Variants in LPCAT3 observed in about 807,000 individuals in gnomAD.
LPCAT3 encodes lysophosphatidylcholine acyltransferase 3.
A neutral mutation model predicts 63.4 loss-of-function variants in LPCAT3; 21 were observed. That is an observed-to-expected ratio of 0.33 (90% confidence interval 0.23 to 0.48). The LOEUF (loss-of-function observed/expected upper bound fraction) is 0.48, where lower values mean the gene tolerates loss of function less well. Among genes scored for constraint, LPCAT3 ranks in the 20% least tolerant of loss-of-function variants. LPCAT3 has a pLI of 0.99. For missense variants in LPCAT3, 451 were observed against 590.6 expected (o/e 0.76, Z 2.45); for synonymous variants, 242 against 227.5 (o/e 1.06, Z -0.58).
Position 6,977,791 on chromosome 12 carries a change from T to G in LPCAT3, c.1041-46A>C. On this transcript the variant is annotated intron_variant, in intron 9 of 12. Coordinates refer to ENST00000261407, the MANE Select transcript of LPCAT3 (RefSeq NM_005768.6). The surrounding 1 kb of genome is among the most constrained non-coding windows in gnomAD (Gnocchi z 4.5). ...GGCGACCCTCAAACTGACTGGTCCT[T>G]GCATCCCGCCACCTGCCTCTGGGTC... The G allele has an allele frequency of 6.2e-7, 1 of 1,610,046 alleles. No individual in the cohort carries two copies. The highest frequency in any genetic ancestry group is 1.7e-5 in the Admixed American group (1 of 59,888).
At chr12:7,010,755 G>A (rs945304161) in intron 1 of LPCAT3, among the ~76,000 whole-genome samples, 17 of 152,092 alleles carry the variant, frequency 1.1e-4, no homozygotes, top group Admixed American at 2.0e-4. Context: ...CATGTTTAAC[G>A]ATAAAGTTAT....
chr12:6,997,377 TTATGTGTGTGTG>T (rs1413388090), intron 1 of LPCAT3: 6 of 91,666 alleles, frequency 6.5e-5, no homozygotes, highest in African/African-American at 2.9e-4. Context: ...CAACAGCAAA[TTATGTGTGTGTG>T]TGTGTGTGTG....
At chr12:7,000,909 G>T (rs111490114) in intron 1 of LPCAT3, among the ~76,000 whole-genome samples, 2 of 151,820 alleles carry the variant, frequency 1.3e-5, no homozygotes, top group Non-Finnish European at 2.9e-5. Flanking sequence ...GGGTTTCACC[G>T]TGTTAGCCAG....
rs1946797038 is a variant in LPCAT3 at position 7,016,272 on chromosome 12, TATTA to T, written c.151+1998_151+2001del. Among the ~76,000 whole-genome samples, 3 of 151,150 alleles carry T rather than the reference TATTA, an allele frequency of 2.0e-5. No homozygotes were observed. In the South Asian group the frequency reaches 6.3e-4, roughly 32 times the overall value. On this transcript the variant is annotated intron_variant, in intron 1 of 12. Coordinates refer to ENST00000261407, the MANE Select transcript of LPCAT3 (RefSeq NM_005768.6). ...AGCCACCACGCCCAGCTCATTTTTTTATTAATTTTTTTTTTTTTTTTGGAGACAG... is the reference window on the plus strand; with the variant it reads ...AGCCACCACGCCCAGCTCATTTTTTTATTTTTTTTTTTTTTTTGGAGACAG...
intron 1 of LPCAT3, among the ~76,000 whole-genome samples, chr12:6,991,307 AAGT>A: frequency 6.6e-6 from 1 of 152,374 alleles, no homozygotes; most frequent in East Asian, 1.9e-4. Flanking sequence ...AAAACTTGAC[AAGT>A]AGTAGTTTCT....
At chr12:7,006,720 A>C (rs1946727344) in intron 1 of LPCAT3, among the ~76,000 whole-genome samples, 1 of 152,174 alleles carries the variant, frequency 6.6e-6, no homozygotes, top group African/African-American at 2.4e-5. Flanking sequence ...TCCAACTTTA[A>C]TCAATCTTTT....
At chr12:6,980,026 T>A (rs1304571110) in intron 6 of LPCAT3, 1 of 154,094 alleles carries the variant, frequency 6.5e-6, no homozygotes, top group Non-Finnish European at 1.4e-5. Context: ...TTAAACTTTT[T>A]TTTTTTTTTT....
intron 1 of LPCAT3, among the ~76,000 whole-genome samples, 183 bp from the exon 2 acceptor site, chr12:6,983,722 A>C (rs1555154465): frequency 1.3e-5 from 2 of 152,192 alleles, no homozygotes; most frequent in African/African-American, 4.8e-5. Flanking sequence ...GTTTTTTGTA[A>C]ATACAAATTT....
rs782503308 is a variant in LPCAT3, at chr12:7,017,697, A to C, written c.151+577T>G. ...AGCATTAAAATGATATTCCAGGGTA[A>C]ATGACAGGTAGGTGGCTTGGAAAAT... On this transcript the variant is annotated intron_variant, in intron 1 of 12. Coordinates refer to ENST00000261407, the MANE Select transcript of LPCAT3 (RefSeq NM_005768.6). The surrounding 1 kb of genome is among the most constrained non-coding windows in gnomAD (Gnocchi z 4.1). Among the ~76,000 whole-genome samples, 22 of 152,320 alleles carry C rather than the reference A, an allele frequency of 1.4e-4. No homozygotes were observed. Among genetic ancestry groups the C allele is most frequent in the African/African-American group, 5.1e-4 (21 of 41,574 alleles).
Position 6,976,908 on chromosome 12 carries a change from G to A in LPCAT3, c.*13-17C>T. 2.1e-6 allele frequency: 1 copy of A among 485,396 alleles called. No homozygotes were observed. Among genetic ancestry groups the A allele is most frequent in the South Asian group, 2.4e-5 (1 of 42,278 alleles). The allele number at this position is 485,396 out of a possible 1,614,324, so 30.1% of individuals were successfully genotyped here. On this transcript the variant is annotated splice_polypyrimidine_tract_variant and intron_variant, in intron 12 of 12. Transcript: ENST00000261407. ...ACAGGCCACCTGCAAGACAAGAGGAGTTTGGAAGGCTGGTTAGTTACTCCT... is the reference window on the plus strand; with the variant it reads ...ACAGGCCACCTGCAAGACAAGAGGAATTTGGAAGGCTGGTTAGTTACTCCT...
At chr12:6,997,011 A>G (rs199710511) in intron 1 of LPCAT3, among the ~76,000 whole-genome samples, 2 of 106,230 alleles carry the variant, frequency 1.9e-5, no homozygotes, top group Middle Eastern at 4.4e-3. Flanking sequence ...GATAAATGGG[A>G]AAAAAAAAAT....
At chr12:6,981,773 C>T in intron 4 of LPCAT3, 38 bp downstream of exon 4, 3 of 1,542,106 alleles carry the variant, frequency 1.9e-6, no homozygotes, top group Non-Finnish European at 2.7e-6. Flanking sequence ...GGGGGAGGGA[C>T]CTACATGTAA....
intron 1 of LPCAT3, among the ~76,000 whole-genome samples, chr12:7,004,110 T>C (rs782012471): frequency 2.0e-5 from 3 of 152,280 alleles, no homozygotes; most frequent in East Asian, 3.9e-4. Flanking sequence ...TGTGAAGATA[T>C]AGAAAACCCG....
chr12:6,995,235 G>C (rs1306804870), intron 1 of LPCAT3, among the ~76,000 whole-genome samples: 7 of 151,860 alleles, frequency 4.6e-5, no homozygotes, highest in African/African-American at 1.7e-4. Flanking sequence ...CAGCACTTTG[G>C]GAGGCCAAGG....
chr12:6,979,659 G>T, intron 6 of LPCAT3, 80 bp from the exon 7 acceptor site: 1 of 952,524 alleles, frequency 1.0e-6, no homozygotes, highest in Non-Finnish European at 1.7e-6. Flanking sequence ...GTTATGGAGA[G>T]GAGTGTTTAG....
intron 1 of LPCAT3, among the ~76,000 whole-genome samples, chr12:7,013,534 G>A (rs1946779348): frequency 6.6e-6 from 1 of 152,216 alleles, no homozygotes; most frequent in Non-Finnish European, 1.5e-5. Flanking sequence ...ACACAATCCA[G>A]AGGTTGTATT....
intron 1 of LPCAT3, among the ~76,000 whole-genome samples, chr12:7,009,296 G>C (rs1387709705): frequency 6.6e-6 from 1 of 152,158 alleles, no homozygotes; most frequent in Non-Finnish European, 1.5e-5. Flanking sequence ...CCTGACCTCA[G>C]GTGATCTGCC....
chr12:6,989,799 C>T lies in LPCAT3; in HGVS notation c.152-6260G>A, dbSNP rs114651154. Reference sequence around the variant, plus strand: ...CGGGAACGTTTTCTTATTTCCTGTACAATAGTTGTGAGATTACTTATTAAT... The same window carrying T: ...CGGGAACGTTTTCTTATTTCCTGTATAATAGTTGTGAGATTACTTATTAAT... On this transcript the variant is annotated intron_variant, in intron 1 of 12. Transcript: ENST00000261407. 2.7e-3 allele frequency among the ~76,000 whole-genome samples: 405 copies of T among 152,226 alleles called. 2 individuals are homozygous for T. The highest frequency in any genetic ancestry group is 9.5e-3 in the African/African-American group (395 of 41,528).
intron 1 of LPCAT3, among the ~76,000 whole-genome samples, chr12:7,007,151 C>G (rs968236174): frequency 6.6e-6 from 1 of 151,842 alleles, no homozygotes; most frequent in Admixed American, 6.6e-5. Context: ...TCAAGTGATT[C>G]TCCTGCCTCA....
Sources: allele counts gnomAD v4.1 joint callset (sites outside exome capture counted in the v4.1 genomes callset), GRCh38; gene constraint gnomAD v4.1.1; non-coding constraint Gnocchi (gnomAD v3.1); transcripts MANE v1.5; gene names NCBI Gene and HGNC (gene_info 2026-07-23, HGNC 2026-07-21).